The following HPSE2 variants were observed in gnomAD, a reference collection of about 807,000 sequenced individuals.
HPSE2 encodes the protein heparanase 2 (inactive), also known as inactive heparanase-2.
In HPSE2, 38 loss-of-function variants were observed where a neutral mutation model predicts 60.5. That is an observed-to-expected ratio of 0.63 (90% CI 0.48 to 0.82). HPSE2 has a LOEUF of 0.82. Ranked by LOEUF, HPSE2 falls within the 40% of genes least tolerant of loss-of-function variation. HPSE2 has a pLI of 0.00. For synonymous variants in HPSE2, 295 were observed against 293.2 expected (o/e 1.01, Z -0.06); for missense variants, 713 against 740.4 (o/e 0.96, Z 0.43).
At chr10:98,761,742 C>G (rs1270967509) in intron 3 of HPSE2, among the ~76,000 whole-genome samples, 1 of 152,116 alleles carries the variant, frequency 6.6e-6, no homozygotes, top group African/African-American at 2.4e-5. Context: ...AGCAAGCGGA[C>G]TGGGGACTTA....
intron 9 of HPSE2, among the ~76,000 whole-genome samples, chr10:98,515,370 T>C (rs967780488): frequency 6.6e-6 from 1 of 152,206 alleles, no homozygotes; most frequent in Non-Finnish European, 1.5e-5. Flanking sequence ...ATGATCATTA[T>C]AGCATTATTT....
intron 3 of HPSE2, among the ~76,000 whole-genome samples, chr10:99,118,708 C>A (rs1247162861): frequency 1.3e-5 from 2 of 151,708 alleles, no homozygotes; most frequent in African/African-American, 2.4e-5. Context: ...GAGAAACAGG[C>A]AAGAGAAAGA....
chr10:98,842,948 T>A (rs544791660), intron 3 of HPSE2, among the ~76,000 whole-genome samples: 28 of 152,310 alleles, frequency 1.8e-4, no homozygotes, highest in African/African-American at 6.7e-4. Flanking sequence ...TCATATGGTA[T>A]GCAGTCTTTT....
At chr10:98,584,537 T>C (rs555491943) in intron 9 of HPSE2, among the ~76,000 whole-genome samples, 5 of 152,300 alleles carry the variant, frequency 3.3e-5, no homozygotes, top group African/African-American at 7.2e-5. Context: ...CAACAGAAAG[T>C]AGCAAACAAT....
intron 2 of HPSE2, among the ~76,000 whole-genome samples, chr10:99,191,962 A>G (rs866328686): frequency 2.6e-4 from 39 of 152,358 alleles, no homozygotes; most frequent in African/African-American, 9.1e-4. Context: ...GAAAATCTGG[A>G]GATGAAAAAT....
chr10:98,899,707 C>T (rs1286872640), intron 3 of HPSE2, among the ~76,000 whole-genome samples: 1 of 149,508 alleles, frequency 6.7e-6, no homozygotes, highest in Non-Finnish European at 1.5e-5. Flanking sequence ...TTAGACATTG[C>T]TGATGGAAAT....
intron 5 of HPSE2, among the ~76,000 whole-genome samples, chr10:98,706,733 A>G (rs1021696103): frequency 6.6e-6 from 1 of 152,218 alleles, no homozygotes; most frequent in African/African-American, 2.4e-5. Flanking sequence ...AGCTGTTCAC[A>G]GAAGTCCAGT....
chr10:99,005,570 C>T (rs1249743782), intron 3 of HPSE2, among the ~76,000 whole-genome samples: 2 of 152,068 alleles, frequency 1.3e-5, no homozygotes, highest in African/African-American at 4.8e-5. Flanking sequence ...TGATTTCATA[C>T]AATTTTTTTC....
chr10:98,559,421 C>G (rs1371508710), intron 9 of HPSE2, among the ~76,000 whole-genome samples: 5 of 152,118 alleles, frequency 3.3e-5, no homozygotes, highest in Non-Finnish European at 7.4e-5. Context: ...TATTCTCCCC[C>G]TGCCCCAACT....
chr10:99,117,097 AAT>A (rs1844723789), intron 3 of HPSE2, among the ~76,000 whole-genome samples: 1 of 152,078 alleles, frequency 6.6e-6, no homozygotes, highest in Non-Finnish European at 1.5e-5. Context: ...CTTTTTTTGC[AAT>A]ATACATGACA....
At chr10:98,470,809 T>G (rs1925639) in intron 11 of HPSE2, among the ~76,000 whole-genome samples, 61,373 of 152,008 alleles carry the variant, frequency 0.4, 13,534 homozygotes, top group African/African-American at 0.61. Flanking sequence ...GAAGAGGGGA[T>G]ACCACAGCCT....
chr10:98,568,651 T>A (rs1192236777), intron 9 of HPSE2, among the ~76,000 whole-genome samples: 2 of 152,210 alleles, frequency 1.3e-5, no homozygotes, highest in Non-Finnish European at 2.9e-5. Context: ...CAACAACTCC[T>A]TTCTCTGCCT....
intron 3 of HPSE2, among the ~76,000 whole-genome samples, chr10:99,123,521 C>T (rs1845041859): frequency 6.6e-6 from 1 of 152,212 alleles, no homozygotes; most frequent in African/African-American, 2.4e-5. Context: ...TATCGCTTCT[C>T]TCCTTCTTGT....
At chr10:98,706,023 A>G (rs1460975607) in intron 5 of HPSE2, among the ~76,000 whole-genome samples, 1 of 152,206 alleles carries the variant, frequency 6.6e-6, no homozygotes, top group African/African-American at 2.4e-5. Context: ...TTGTCATAAA[A>G]TGCTTTTCAG....
intron 3 of HPSE2, among the ~76,000 whole-genome samples, chr10:98,962,369 C>T (rs1955700306): frequency 6.6e-6 from 1 of 150,618 alleles, no homozygotes; most frequent in Admixed American, 6.6e-5. Context: ...TTCTTCCTAC[C>T]CATGAGCATG....
At chr10:98,554,487 G>C (rs776318641) in intron 9 of HPSE2, among the ~76,000 whole-genome samples, 11 of 152,034 alleles carry the variant, frequency 7.2e-5, no homozygotes, top group Non-Finnish European at 1.2e-4. Context: ...ATGATTATTT[G>C]TACTTAGCTA....
At chr10:98,620,856 G>T (rs776828702) in intron 7 of HPSE2, 148 bp from the exon 8 acceptor site, 8 of 696,666 alleles carry the variant, frequency 1.1e-5, no homozygotes, top group Admixed American at 2.0e-5. Context: ...GATGCACCCA[G>T]TTCAGTGAGT....
chr10:98,737,841 G>C (rs1261504186), intron 4 of HPSE2, among the ~76,000 whole-genome samples: 1 of 152,084 alleles, frequency 6.6e-6, no homozygotes, highest in Non-Finnish European at 1.5e-5. Flanking sequence ...CAAACAAGTG[G>C]AAAAACCTTC....
chr10:98,970,067 T>C lies in HPSE2; in HGVS notation c.610+174171A>G, dbSNP rs139446145. 3.3e-3 allele frequency among the ~76,000 whole-genome samples: 506 copies of C among 152,060 alleles called. 2 individuals are homozygous for C. The highest frequency in any genetic ancestry group is 5.0e-3 in the Non-Finnish European group (343 of 67,984). ...ACCTCTGCCTCCCAGGTTCAAGCGA[T>C]TCTCCTGCCTCATCCTCCCAAGTAG... On this transcript the variant is annotated intron_variant, in intron 3 of 11. Transcript: ENST00000370552.
Sources: gnomAD v4.1 joint callset for allele counts (sites outside exome capture counted in the v4.1 genomes callset) on GRCh38, gnomAD v4.1.1 for gene constraint, MANE v1.5 for transcripts, NCBI Gene and HGNC (gene_info 2026-07-23, HGNC 2026-07-21) for gene names.